NEMF: variants seen among roughly 807,000 people sequenced by gnomAD.
The protein encoded by NEMF is ribosome quality control complex subunit NEMF.
A neutral mutation model predicts 162.2 loss-of-function variants in NEMF; 89 were observed. The ratio of observed to expected loss-of-function variants is 0.55; its 90% CI spans 0.46 to 0.65. The LOEUF (loss-of-function observed/expected upper bound fraction) is 0.65. Among genes scored for constraint, NEMF ranks in the 30% least tolerant of loss-of-function variants. The pLI, the probability that NEMF is intolerant of heterozygous loss-of-function variation, is 0.00. For synonymous variants in NEMF, 421 were observed against 404.5 expected (o/e 1.04, Z -0.49); for missense variants, 1,133 against 1,261.9 (o/e 0.90, Z 1.55).
intron 4 of NEMF, among the ~76,000 whole-genome samples, chr14:49,842,613 C>G (rs1295561912): frequency 6.6e-6 from 1 of 152,200 alleles, no homozygotes; most frequent in African/African-American, 2.4e-5. Flanking sequence ...ATCCCAAATT[C>G]ATCTGAAATG....
rs910451770 is a variant in NEMF at position 49,784,941 on chromosome 14, A to G, written c.3137T>C (p.Leu1046Ser). The change falls in exon 32 of 33, where the codon TTA becomes TCA. Residue 1046 changes from leucine to serine, a missense_variant. Transcript: ENST00000298310. Reference sequence around the variant, plus strand: ...GAACTTTACCTTTACGCTGCGGAATAAGTCTTTTTCTCTTGCTGTTGCTTC... The same window carrying G: ...GAACTTTACCTTTACGCTGCGGAATGAGTCTTTTTCTCTTGCTGTTGCTTC... ...SKEATAREKDLFRSVKDTDLS... is the reference protein window; with the variant it reads ...SKEATAREKDSFRSVKDTDLS... 3 of 1,613,730 alleles carry G rather than the reference A, an allele frequency of 1.9e-6. No individual in the cohort carries two copies. Among genetic ancestry groups the G allele is most frequent in the Non-Finnish European group, 2.5e-6 (3 of 1,179,742 alleles).
chr14:49,802,148 T>C (rs1001004677), intron 22 of NEMF, among the ~76,000 whole-genome samples: 6 of 151,924 alleles, frequency 3.9e-5, no homozygotes, highest in Admixed American at 1.3e-4. Flanking sequence ...GGTTTTGCCA[T>C]GTTGCCCAGG....
rs542277493 is a variant in NEMF at position 49,806,229 on chromosome 14, T to C, written c.1745-96A>G. On this transcript the variant is annotated intron_variant, in intron 18 of 32. Transcript: ENST00000298310. ...ATGCCGCATGACAGGGTCAATGATA[T>C]GTGTATATATATATATATATATATA... 332 of 127,086 alleles carry C rather than the reference T, an allele frequency of 2.6e-3. 2 individuals carry two copies. The African/African-American group carries it at 0.037, about 14-fold the overall frequency. 7.9% of individuals were successfully genotyped at this position (127,086 alleles called of 1,614,324 possible). A position where few individuals can be genotyped will look rare whatever the true frequency, so the allele number is the denominator to read the frequency against.
intron 11 of NEMF, 98 bp downstream of exon 11, chr14:49,831,201 T>A (rs768170312): frequency 1.7e-5 from 12 of 705,018 alleles, no homozygotes; most frequent in Non-Finnish European, 3.0e-5. Flanking sequence ...CCATACTACT[T>A]CTTACACTCT....
intron 18 of NEMF, among the ~76,000 whole-genome samples, chr14:49,808,741 T>C (rs1203033774): frequency 6.6e-6 from 1 of 151,292 alleles, no homozygotes; most frequent in Non-Finnish European, 1.5e-5. Context: ...GTTAAAAAGT[T>C]AAGCCACTGA....
chr14:49,833,430 C>T lies in NEMF; in HGVS notation c.728G>A (p.Ser243Asn). Residue 243 changes from serine to asparagine, a missense_variant, in exon 8 of 33, where the codon AGT (serine) becomes AAT (asparagine). By Grantham distance (46) the Ser-to-Asn change is conservative. This residue lies in a region of NEMF where 582 missense variants were observed against 631.5 expected (regional missense o/e 0.92). Transcript: ENST00000298310. ...EDYMKTTSNF[S>N]GKGYIIQKRE... ...AAGTATACATGGTGCTACCTTCCCACTGAAGTTGGATGTTGTTTTCATATA... is the reference window on the plus strand; with the variant it reads ...AAGTATACATGGTGCTACCTTCCCATTGAAGTTGGATGTTGTTTTCATATA... The T allele has an allele frequency of 6.3e-7, 1 of 1,581,874 alleles. No individual in the cohort carries two copies. The highest frequency in any genetic ancestry group is 8.6e-7 in the Non-Finnish European group (1 of 1,157,572).
chr14:49,805,156 C>G (rs921809040), intron 19 of NEMF, among the ~76,000 whole-genome samples: 1 of 151,988 alleles, frequency 6.6e-6, no homozygotes, highest in Non-Finnish European at 1.5e-5. Flanking sequence ...TTTATAATCC[C>G]CCTATATGAC....
rs925271285 is a variant in NEMF, at chr14:49,838,157, C to T, written c.556G>A (p.Val186Met). ...TACTCACGAAGTAATGGGTTAAGCA[C>T]CCTCTTCAGTAGTTCACCCTTAGGT... ...SAPKGELLKR[V>M]LNPLLPYGPA... The change falls in exon 6 of 33, where the codon GTG becomes ATG. Residue 186 changes from valine to methionine, a missense_variant. By Grantham distance (21) the Val-to-Met change is conservative (BLOSUM62 1). Transcript: ENST00000298310. 4 of 1,613,612 alleles carry T rather than the reference C, an allele frequency of 2.5e-6. No individual in the cohort carries two copies. In the South Asian group the frequency reaches 3.3e-5, roughly 13 times the overall value.
chr14:49,827,422 A>C (rs1184574227), intron 15 of NEMF, among the ~76,000 whole-genome samples: 1 of 152,036 alleles, frequency 6.6e-6, no homozygotes, highest in Non-Finnish European at 1.5e-5. Context: ...CCTGGCTTCA[A>C]GCGATCCACC....
Position 49,782,325 on chromosome 14 carries a change from C to T in NEMF, c.*2311G>A. The T allele has an allele frequency of 2.3e-6, 3 of 1,322,526 alleles. No individual in the cohort carries two copies. Among genetic ancestry groups the T allele is most frequent in the Non-Finnish European group, 3.2e-6 (3 of 928,560 alleles). The allele number at this position is 1,322,526 out of a possible 1,614,324, so 81.9% of individuals were successfully genotyped here. A position where few individuals can be genotyped will look rare whatever the true frequency, so the allele number is the denominator to read the frequency against. Reference sequence around the variant, plus strand: ...CTATTCTGTAGTATAAAATGGCCAACTGGTGTTCTGGGTGGCTTCAAACTC... The same window carrying T: ...CTATTCTGTAGTATAAAATGGCCAATTGGTGTTCTGGGTGGCTTCAAACTC... On this transcript the variant is annotated 3_prime_UTR_variant, in exon 33 of 33. Transcript: ENST00000298310.
At chr14:49,851,756 A>C (rs1400990634) in intron 2 of NEMF, 51 bp downstream of exon 2, 2 of 1,448,442 alleles carry the variant, frequency 1.4e-6, no homozygotes, top group African/African-American at 2.8e-5. Flanking sequence ...AAAAATCAGT[A>C]ATCTCATACT....
At chr14:49,809,537 C>T (rs980479536) in intron 18 of NEMF, among the ~76,000 whole-genome samples, 1 of 152,116 alleles carries the variant, frequency 6.6e-6, no homozygotes, top group Non-Finnish European at 1.5e-5. Context: ...ATGTTTTACA[C>T]ATTTGTCCAA....
chr14:49,791,669 G>A (rs555129573), intron 26 of NEMF, among the ~76,000 whole-genome samples: 7 of 150,436 alleles, frequency 4.7e-5, no homozygotes, highest in South Asian at 2.1e-4. Flanking sequence ...CCCAGGAGGC[G>A]GAGGTTGCAG....
chr14:49,811,417 C>G (rs1318647167), intron 18 of NEMF, among the ~76,000 whole-genome samples: 1 of 42,310 alleles, frequency 2.4e-5, no homozygotes, highest in East Asian at 7.7e-4. Context: ...TTACTTTTGC[C>G]TAATTTGGAT....
chr14:49,825,209 G>A (rs1892276222), intron 16 of NEMF, among the ~76,000 whole-genome samples: 1 of 152,186 alleles, frequency 6.6e-6, no homozygotes, highest in South Asian at 2.1e-4. Flanking sequence ...TGATGCCAAT[G>A]CTATTAATCT....
Position 49,828,840 on chromosome 14 carries a change from G to A in NEMF, c.1233-33C>T, listed in dbSNP as rs754541575. ...AAATATTCAATAGCATTTCACTAAC[G>A]TCAATGACATCACTTTTATTTTCAA... On this transcript the variant is annotated intron_variant, in intron 13 of 32. Transcript: ENST00000298310. 1.4e-5 allele frequency: 20 copies of A among 1,468,074 alleles called. No individual in the cohort carries two copies. In the African/African-American group the frequency reaches 1.4e-4, roughly 10 times the overall value. 90.9% of individuals were successfully genotyped at this position (1,468,074 alleles called of 1,614,324 possible). A position where few individuals can be genotyped will look rare whatever the true frequency, so the allele number is the denominator to read the frequency against.
At chr14:49,846,397 AAAGT>A (rs1893504158) in intron 3 of NEMF, 132 bp from the exon 4 acceptor site, 15 of 752,000 alleles carry the variant, frequency 2.0e-5, no homozygotes, top group Non-Finnish European at 2.8e-5. Flanking sequence ...GTATAGTCAT[AAAGT>A]AATAGATTGC....
In NEMF at chr14:49,783,006, C is replaced by T. The variant is rs959769292; in HGVS notation, c.*1630G>A. ...CTTGCATGGACAGCAATCCTGTAAA[C>T]ATCACAGAGTGGCATCATTTGTATA... On this transcript the variant is annotated 3_prime_UTR_variant, in exon 33 of 33. Transcript: ENST00000298310. 3 of 1,563,958 alleles carry T rather than the reference C, an allele frequency of 1.9e-6. No homozygotes were observed. Among genetic ancestry groups the T allele is most frequent in the Admixed American group, 3.7e-5 (2 of 54,442 alleles).
At chr14:49,842,952 G>C (rs958585934) in intron 4 of NEMF, among the ~76,000 whole-genome samples, 8 of 150,902 alleles carry the variant, frequency 5.3e-5, no homozygotes, top group African/African-American at 2.0e-4. Context: ...GTTGCAGTGA[G>C]CCAAGATCAC....
Sources: allele counts gnomAD v4.1 joint callset (sites outside exome capture counted in the v4.1 genomes callset), GRCh38; gene constraint gnomAD v4.1.1; regional missense constraint gnomAD v4.1.1; transcripts MANE v1.5; gene names NCBI Gene and HGNC (gene_info 2026-07-23, HGNC 2026-07-21).